PDE4C: variants seen among roughly 807,000 people sequenced by gnomAD.
The protein encoded by PDE4C is 3',5'-cyclic-AMP phosphodiesterase 4C.
In PDE4C, 50 loss-of-function variants were observed where a neutral mutation model predicts 63.9. That is an observed-to-expected ratio of 0.78 (90% CI 0.62 to 0.99). The LOEUF (loss-of-function observed/expected upper bound fraction) is 0.99. PDE4C is among the 50% of genes least tolerant of loss of function. The probability of loss-of-function intolerance (pLI) is 0.00; values close to 1 mark genes in which losing one functional copy is unlikely to be tolerated. For missense variants in PDE4C, 777 were observed against 899.1 expected, an observed-to-expected ratio of 0.86 and a Z score of 1.74; for synonymous variants, 377 against 385.1, an observed-to-expected ratio of 0.98 and a Z score of 0.25.
intron 1 of PDE4C, chr19:18,224,540 G>A: frequency 2.0e-6 from 2 of 984,380 alleles, no homozygotes; most frequent in Non-Finnish European, 2.4e-6. Flanking sequence ...GGGAGAATTC[G>A]GCTACGTCCG....
upstream of PDE4C, among the ~76,000 whole-genome samples, chr19:18,228,207 T>C (rs550677857): frequency 3.3e-5 from 5 of 151,804 alleles, no homozygotes; most frequent in East Asian, 9.7e-4. Flanking sequence ...GAAGTGACAA[T>C]AGTTACATGT....
Position 18,220,919 on chromosome 19 carries a change from C to G in PDE4C, c.454G>C (p.Gly152Arg). The change falls in exon 5 of 15, where the codon GGA becomes CGA. Residue 152 changes from glycine (G) to arginine (R), a missense_variant. Coordinates refer to ENST00000262805, the Ensembl canonical transcript of PDE4C. The surrounding 1 kb of genome is among the most constrained non-coding windows in gnomAD (Gnocchi z 5.1). ...CTGGATGAAGGGTTTCCGACGGGTC[C>G]CTGCCTGCGGTACAGCAGCCTCAGG... 6.2e-7 allele frequency: 1 copy of G among 1,604,568 alleles called. No individual in the cohort carries two copies. Among genetic ancestry groups the G allele is most frequent in the Non-Finnish European group, 8.5e-7 (1 of 1,176,884 alleles).
At chr19:18,248,489 G>A (rs560703848), upstream of PDE4C, among the ~76,000 whole-genome samples, 1 of 151,956 alleles carries the variant, frequency 6.6e-6, no homozygotes, top group Admixed American at 6.6e-5. Flanking sequence ...GTAGGAGTGA[G>A]GAGGCTGGGT....
At chr19:18,247,364 C>T (rs946955011) in intron 1 of PDE4C, among the ~76,000 whole-genome samples, 1 of 152,006 alleles carries the variant, frequency 6.6e-6, no homozygotes, top group African/African-American at 2.4e-5. Context: ...GGCGTGATCT[C>T]AACTCACTGC....
chr19:18,212,480 T>TC (rs1484823450), intron 13 of PDE4C, among the ~76,000 whole-genome samples: 1 of 149,948 alleles, frequency 6.7e-6, no homozygotes, highest in Non-Finnish European at 1.5e-5. Flanking sequence ...CAGCTTTTTT[T>TC]TTTTTTTTTT....
At chr19:18,211,112 C>A in exon 15 of PDE4C, 1 of 1,614,190 alleles carries the variant, frequency 6.2e-7, no homozygotes, top group East Asian at 2.2e-5. Context: ...ATCTGTCAGG[C>A]CCGTCCCGCT....
intron 13 of PDE4C, among the ~76,000 whole-genome samples, chr19:18,212,395 A>G (rs1246640955): frequency 6.6e-6 from 1 of 151,610 alleles, no homozygotes; most frequent in Admixed American, 6.6e-5. Flanking sequence ...GGCTGGTCTC[A>G]AACTCCTGAG....
chr19:18,232,870 G>A (rs1320925931), intron 1 of PDE4C: 2 of 1,372,286 alleles, frequency 1.5e-6, no homozygotes, highest in East Asian at 5.5e-5. Flanking sequence ...CCCTGGAGAA[G>A]CAAGGACCCT....
In PDE4C at chr19:18,222,018, CTACT is replaced by C. The variant is rs1968503842; in HGVS notation, c.338+110_338+113del. 4.5e-6 allele frequency: 4 copies of C among 890,140 alleles called. No homozygotes were observed. In the African/African-American group the frequency reaches 5.1e-5, roughly 11 times the overall value. The allele number at this position is 890,140 out of a possible 1,614,324, so 55.1% of individuals were successfully genotyped here. ...AATATATGAGCTGTCTGGCAAACTC[CTACT>C]TAAACTTCAAAACCTTCCTTAAATG... On this transcript the variant is annotated intron_variant, in intron 2 of 14. Transcript: ENST00000262805.
chr19:18,231,382 G>A (rs956190972), upstream of PDE4C, among the ~76,000 whole-genome samples: 1 of 152,232 alleles, frequency 6.6e-6, no homozygotes, highest in African/African-American at 2.4e-5. Context: ...GGCTCTGTTT[G>A]TTCTTTCTTG....
chr19:18,238,081 C>T (rs745337369), upstream of PDE4C, among the ~76,000 whole-genome samples: 6 of 151,994 alleles, frequency 3.9e-5, no homozygotes, highest in Admixed American at 6.6e-5. Flanking sequence ...CAAAATTAGC[C>T]AGGCATCGTG....
rs1260773612 is a variant in PDE4C, at chr19:18,211,957, C to A, written c.1513-16G>T. 1.2e-6 allele frequency: 2 copies of A among 1,608,836 alleles called. No individual in the cohort carries two copies. Among genetic ancestry groups the A allele is most frequent in the African/African-American group, 2.7e-5 (2 of 74,816 alleles). Reference sequence around the variant, plus strand: ...TCTGCAAGACCTACAGAGATCGAGGCTTGGGAGGGCACTGGCGGGGCCCAG... The same window carrying A: ...TCTGCAAGACCTACAGAGATCGAGGATTGGGAGGGCACTGGCGGGGCCCAG... On this transcript the variant is annotated splice_polypyrimidine_tract_variant and intron_variant, in intron 13 of 14. Coordinates refer to ENST00000262805, the Ensembl canonical transcript of PDE4C.
chr19:18,238,202 G>A (rs549483177), upstream of PDE4C, among the ~76,000 whole-genome samples: 1 of 151,934 alleles, frequency 6.6e-6, no homozygotes, highest in African/African-American at 2.4e-5. Flanking sequence ...TTTAGCTTGG[G>A]TGACAGAGTG....
chr19:18,250,595 G>A (rs894262273), upstream of PDE4C: 2 of 396,646 alleles, frequency 5.0e-6, no homozygotes, highest in African/African-American at 4.1e-5. Flanking sequence ...CTCTCCAGTT[G>A]AGGCTGCCAC....
intron 12 of PDE4C, among the ~76,000 whole-genome samples, chr19:18,214,250 C>CAA (rs78275392): frequency 6.2e-5 from 7 of 113,586 alleles, no homozygotes; most frequent in Admixed American, 1.8e-4. Flanking sequence ...GACTCCGTCT[C>CAA]AAAAAAAAAA....
chr19:18,216,234 G>T lies in PDE4C; in HGVS notation c.1389+507C>A, dbSNP rs561998123. ...CAGGATCTGCTGGGCCCAGCAGAGG[G>T]CCTGGGGTTTGGGCAGTCACTAGCC... On this transcript the variant is annotated intron_variant, in intron 12 of 14. Coordinates refer to ENST00000262805, the Ensembl canonical transcript of PDE4C. 1.1e-4 allele frequency among the ~76,000 whole-genome samples: 17 copies of T among 151,188 alleles called. 1 individual carries two copies. The highest frequency in any genetic ancestry group is 4.1e-4 in the African/African-American group (17 of 41,150).
At chr19:18,240,581 A>G (rs1012392882) in intron 1 of PDE4C, among the ~76,000 whole-genome samples, 2 of 152,098 alleles carry the variant, frequency 1.3e-5, no homozygotes, top group African/African-American at 4.8e-5. Flanking sequence ...CAAAAAAGTT[A>G]GCTGTGCCTG....
chr19:18,253,896 A>G, the PDE4C span, among the ~76,000 whole-genome samples: 1 of 152,146 alleles, frequency 6.6e-6, no homozygotes, highest in African/African-American at 2.4e-5. Context: ...AGGCACTTAC[A>G]AGTTCATTCA....
intron 2 of PDE4C, 52 bp downstream of exon 2, chr19:18,222,080 A>G (rs1308015875): frequency 2.7e-6 from 4 of 1,496,174 alleles, no homozygotes; most frequent in Non-Finnish European, 3.7e-6. Context: ...ATAGAGGAAC[A>G]AAGGAAGGAG....
Sources: gnomAD v4.1 joint callset for allele counts (sites outside exome capture counted in the v4.1 genomes callset) on GRCh38, gnomAD v4.1.1 for gene constraint, Gnocchi (gnomAD v3.1) non-coding constraint, MANE v1.5 for transcripts, NCBI Gene and HGNC (gene_info 2026-07-23, HGNC 2026-07-21) for gene names.